Variants in HOXD3 observed in about 807,000 individuals in gnomAD.
The protein encoded by HOXD3 is homeobox D3, also known as homeobox protein Hox-D3.
A neutral mutation model predicts 32.8 loss-of-function variants in HOXD3; 13 were observed. That is an observed-to-expected ratio of 0.40 (90% confidence interval 0.26 to 0.63). The LOEUF is 0.63. HOXD3 is among the 20% of genes least tolerant of loss of function. The probability of loss-of-function intolerance (pLI) is 0.44; values close to 1 mark genes in which losing one functional copy is unlikely to be tolerated. For missense variants in HOXD3, 504 were observed against 577.1 expected, an observed-to-expected ratio of 0.87 and a Z score of 1.30; for synonymous variants, 241 against 246.8, an observed-to-expected ratio of 0.98 and a Z score of 0.22.
At position 176,169,381 on chromosome 2, in the gene HOXD3, C is replaced by G; in HGVS notation, c.267C>G (p.Ser89Arg). The G allele has an allele frequency of 6.2e-7, 1 of 1,614,030 alleles. No homozygotes were observed. The highest frequency in any genetic ancestry group is 8.5e-7 in the Non-Finnish European group (1 of 1,179,972). ...PAHKGAELNG[S>R]CMRPGTGNSQ... is the part of the protein sequence containing the mutation. ...ACAAAGGAGCTGAACTCAATGGCAG[C>G]TGCATGCGGCCGGGCACTGGGAACA... The change falls in exon 3 of 4, where the codon AGC (serine) becomes AGG (arginine). Residue 89 changes from serine to arginine, a missense_variant. Ser to Arg is a moderately radical substitution (Grantham distance 110, BLOSUM62 -1). This residue lies in a region of HOXD3 where 181 missense variants were observed against 172.2 expected (regional missense o/e 1.05). Transcript: ENST00000683222.
chr2:176,154,382 A>G (rs1425533011), upstream of HOXD3, among the ~76,000 whole-genome samples: 3 of 152,158 alleles, frequency 2.0e-5, no homozygotes. Flanking sequence ...GTCAAAGTTA[A>G]TGGCCAGAGT....
intron 1 of HOXD3, among the ~76,000 whole-genome samples, chr2:176,158,513 T>G (rs1041534582): frequency 6.6e-6 from 1 of 152,118 alleles, no homozygotes; most frequent in Non-Finnish European, 1.5e-5. Context: ...ATACCTCCAT[T>G]GGCTTTCAGA....
upstream of HOXD3, among the ~76,000 whole-genome samples, chr2:176,157,287 G>A (rs930313271): frequency 1.3e-5 from 2 of 152,144 alleles, no homozygotes; most frequent in Non-Finnish European, 2.9e-5. Context: ...AATTAATTCA[G>A]CACGTCCCTT....
upstream of HOXD3, chr2:176,153,065 A>G (rs1690577149): frequency 2.7e-6 from 2 of 730,106 alleles, no homozygotes; most frequent in East Asian, 5.1e-5. Context: ...TGGGACAAGC[A>G]GGCCGCCCTC....
intron 1 of HOXD3, among the ~76,000 whole-genome samples, chr2:176,159,408 C>T (rs1290278391): frequency 2.6e-5 from 4 of 152,220 alleles, no homozygotes; most frequent in African/African-American, 9.6e-5. Flanking sequence ...TTACCCACTC[C>T]TCTGGGGCTC....
At chr2:176,166,120 T>C (rs1172294821) in intron 2 of HOXD3, among the ~76,000 whole-genome samples, 1 of 152,214 alleles carries the variant, frequency 6.6e-6, no homozygotes, top group Non-Finnish European at 1.5e-5. Context: ...TAGTGGATTG[T>C]CATTGAGTGG....
At chr2:176,170,924 GT>G (rs144893170) in intron 3 of HOXD3, among the ~76,000 whole-genome samples, 20,401 of 151,342 alleles carry the variant, frequency 0.13, 1,850 homozygotes, top group Non-Finnish European at 0.2. Context: ...TGTTTGGTTG[GT>G]TTTTTTTTAT....
intron 2 of HOXD3, among the ~76,000 whole-genome samples, chr2:176,168,261 C>CAAAAAAAAAAAAAA (rs34436368): frequency 9.7e-6 from 1 of 103,392 alleles, no homozygotes; most frequent in African/African-American, 3.8e-5. Context: ...CCTGTCTCTA[C>CAAAAAAAAAAAAAA]AAAAAAAAAA....
chr2:176,171,947 A>G lies in HOXD3; in HGVS notation c.972A>G (p.Pro324=). ...CGGCGCCACTCAGCAGCTGCCTGCC[A>G]CAACAGAAGCGCTACGCAGCGCCGG... ...AYTAPLSSCL[P]QQKRYAAPEF... The change falls in exon 4 of 4, where the codon CCA becomes CCG. Residue 324 remains proline, a synonymous_variant. Transcript: ENST00000683222. 6.2e-7 allele frequency: 1 copy of G among 1,610,978 alleles called. No individual in the cohort carries two copies. Among genetic ancestry groups the G allele is most frequent in the Non-Finnish European group, 8.5e-7 (1 of 1,179,406 alleles).
In HOXD3 at chr2:176,170,698, TC is replaced by T. The variant is rs1445379545; in HGVS notation, c.542-817del. ...TATTATCCTGCCTGCAACCTCCTTT[TC>T]CTGCCCCTCCTTCCTCAGCTGCAGG... On this transcript the variant is annotated intron_variant, in intron 3 of 3. Coordinates refer to ENST00000683222, the MANE Select transcript of HOXD3 (RefSeq NM_006898.5). 5.3e-5 allele frequency among the ~76,000 whole-genome samples: 8 copies of T among 152,216 alleles called. No homozygotes were observed. In the East Asian group the frequency reaches 1.6e-3, roughly 30 times the overall value.
Position 176,169,103 on chromosome 2 carries a change from C to T in HOXD3, c.-12C>T. 4 of 1,594,534 alleles carry T rather than the reference C, an allele frequency of 2.5e-6. No individual in the cohort carries two copies. ...ACATTGGAGGTGGCAGTGAAGGATACAGTGGTAGTCAATGTTATTTGAGCA... is the reference window on the plus strand; with the variant it reads ...ACATTGGAGGTGGCAGTGAAGGATATAGTGGTAGTCAATGTTATTTGAGCA... On this transcript the variant is annotated 5_prime_UTR_variant, in exon 3 of 4. Transcript: ENST00000683222.
chr2:176,159,191 C>T (rs1408852044), intron 1 of HOXD3, among the ~76,000 whole-genome samples: 3 of 142,556 alleles, frequency 2.1e-5, no homozygotes, highest in African/African-American at 7.7e-5. Flanking sequence ...TGCTGGCCGT[C>T]AGGTCGGCCT....
At chr2:176,156,028 A>T (rs1690637888), upstream of HOXD3, among the ~76,000 whole-genome samples, 1 of 152,188 alleles carries the variant, frequency 6.6e-6, no homozygotes, top group South Asian at 2.1e-4. Flanking sequence ...TGTAGTTTTG[A>T]TGTAATTCAT....
At chr2:176,166,175 G>T (rs1284897468) in intron 2 of HOXD3, among the ~76,000 whole-genome samples, 2 of 152,166 alleles carry the variant, frequency 1.3e-5, no homozygotes, top group African/African-American at 4.8e-5. Context: ...ACAGACTCTG[G>T]TTTTTCAGGA....
Position 176,170,903 on chromosome 2 carries a change from T to TTG in HOXD3, c.542-613_542-612insGT, listed in dbSNP as rs1553522776. ...CCTAAAATACCCAGGCAGTGTTTTTTTTTGTTTGTTTGTTTGGTTGGTTTT... is the reference window on the plus strand; with the variant it reads ...CCTAAAATACCCAGGCAGTGTTTTTTTGTTTGTTTGTTTGTTTGGTTGGTTTT... On this transcript the variant is annotated intron_variant, in intron 3 of 3. Coordinates refer to ENST00000683222, the MANE Select transcript of HOXD3 (RefSeq NM_006898.5). Among the ~76,000 whole-genome samples, 454 of 151,312 alleles carry TTG rather than the reference T, an allele frequency of 3.0e-3. 1 individual carries two copies. Among genetic ancestry groups the TTG allele is most frequent in the Admixed American group, 4.5e-3 (68 of 15,206 alleles).
chr2:176,159,590 G>A (rs546292759), intron 1 of HOXD3, among the ~76,000 whole-genome samples: 1 of 152,354 alleles, frequency 6.6e-6, no homozygotes, highest in East Asian at 1.9e-4. Flanking sequence ...GCTGGGGGAG[G>A]GTCTTGGGCG....
chr2:176,166,380 C>T (rs1690971332), intron 2 of HOXD3, among the ~76,000 whole-genome samples: 1 of 152,162 alleles, frequency 6.6e-6, no homozygotes, highest in African/African-American at 2.4e-5. Flanking sequence ...GAATGTTTTG[C>T]TTCCACAGTT....
chr2:176,159,390 G>A (rs1053679006), intron 1 of HOXD3, among the ~76,000 whole-genome samples: 1 of 152,212 alleles, frequency 6.6e-6, no homozygotes, highest in Non-Finnish European at 1.5e-5. Flanking sequence ...GTGGGGATGC[G>A]GTGGACCTTA....
chr2:176,156,644 CCTT>C (rs944631149), upstream of HOXD3, among the ~76,000 whole-genome samples: 1 of 152,144 alleles, frequency 6.6e-6, no homozygotes, highest in African/African-American at 2.4e-5. Context: ...ACCTGCCCCT[CCTT>C]CTTCCGCGCC....
Sources: allele counts gnomAD v4.1 joint callset (sites outside exome capture counted in the v4.1 genomes callset), GRCh38; gene constraint gnomAD v4.1.1; regional missense constraint gnomAD v4.1.1; transcripts MANE v1.5; gene names NCBI Gene and HGNC (gene_info 2026-07-23, HGNC 2026-07-21).